The following PALM2AKAP2 variants were observed in gnomAD, a reference collection of about 807,000 sequenced individuals.
PALM2AKAP2 encodes PALM2 and AKAP2 fusion.
In PALM2AKAP2, 37 loss-of-function variants were observed where a neutral mutation model predicts 71.5. That is an observed-to-expected ratio of 0.52 (90% CI 0.40 to 0.68). The LOEUF is 0.68. Among genes scored for constraint, PALM2AKAP2 ranks in the 30% least tolerant of loss-of-function variants. The probability of loss-of-function intolerance (pLI) is 0.00; values close to 1 mark genes in which losing one functional copy is unlikely to be tolerated. For missense variants in PALM2AKAP2, 1,224 were observed against 1,191.8 expected, an observed-to-expected ratio of 1.03 and a Z score of -0.40; for synonymous variants, 468 against 478.8, an observed-to-expected ratio of 0.98 and a Z score of 0.29.
intron 1 of PALM2AKAP2, among the ~76,000 whole-genome samples, chr9:110,060,761 C>A (rs1445391508): frequency 3.3e-5 from 5 of 151,996 alleles, no homozygotes; most frequent in Non-Finnish European, 5.9e-5. Flanking sequence ...GCCACCAGGG[C>A]TAGCTAATTT....
chr9:110,003,395 G>C (rs1832718681), intron 6 of PALM2AKAP2, among the ~76,000 whole-genome samples: 2 of 151,698 alleles, frequency 1.3e-5, no homozygotes. Context: ...TGGTCTGAGA[G>C]AGTTTGTTAT....
chr9:109,995,663 A>G (rs1832559714), intron 6 of PALM2AKAP2, among the ~76,000 whole-genome samples: 1 of 152,172 alleles, frequency 6.6e-6, no homozygotes, highest in Non-Finnish European at 1.5e-5. Flanking sequence ...ACTGTCATGC[A>G]AACAGCATGA....
chr9:109,865,707 G>C (rs1156589904), intron 1 of PALM2AKAP2, among the ~76,000 whole-genome samples: 2 of 152,194 alleles, frequency 1.3e-5, no homozygotes, highest in African/African-American at 4.8e-5. Flanking sequence ...TGAGTCATCA[G>C]CCTCTCATAT....
At chr9:109,898,366 G>A (rs1450394604) in intron 3 of PALM2AKAP2, among the ~76,000 whole-genome samples, 2 of 152,194 alleles carry the variant, frequency 1.3e-5, no homozygotes, top group African/African-American at 2.4e-5. Context: ...CTGTTTTACA[G>A]ATAAGGAAGC....
intron 1 of PALM2AKAP2, among the ~76,000 whole-genome samples, chr9:109,804,669 G>A (rs1349914143): frequency 2.0e-5 from 3 of 152,108 alleles, no homozygotes; most frequent in Non-Finnish European, 1.5e-5. Flanking sequence ...AAAGAAGACT[G>A]GCAAATTTTA....
chr9:109,989,627 A>G (rs12337887), intron 6 of PALM2AKAP2, among the ~76,000 whole-genome samples: 1 of 152,158 alleles, frequency 6.6e-6, no homozygotes, highest in Non-Finnish European at 1.5e-5. Flanking sequence ...GTGGTAAGAG[A>G]TTCTTCTCAG....
chr9:110,088,794 A>G lies in PALM2AKAP2; in HGVS notation c.156+39939A>G, dbSNP rs1834639032. On this transcript the variant is annotated intron_variant, in intron 1 of 3. Transcript: ENST00000374525. ...GAGTGCAGTGATGCGATCTCAGTTC[A>G]CTGCAACCTCCGCCTCCCGGGTTCA... Among the ~76,000 whole-genome samples, 3 of 132,044 alleles carry G rather than the reference A, an allele frequency of 2.3e-5. No homozygotes were observed. In the South Asian group the frequency reaches 7.4e-4, roughly 32 times the overall value. The allele number at this position is 132,044 out of a possible 152,430, so 86.6% of individuals were successfully genotyped here.
chr9:109,968,990 A>C (rs935828431), intron 6 of PALM2AKAP2, among the ~76,000 whole-genome samples: 2 of 152,134 alleles, frequency 1.3e-5, no homozygotes, highest in African/African-American at 2.4e-5. Context: ...CTAAGAAAAA[A>C]ACTGACTAGA....
At chr9:109,663,331 T>C (rs907730909) in intron 1 of PALM2AKAP2, among the ~76,000 whole-genome samples, 26 of 152,228 alleles carry the variant, frequency 1.7e-4, no homozygotes, top group African/African-American at 6.3e-4. Context: ...TTTAGTGCTA[T>C]AAATTTCCCT....
chr9:109,817,840 T>A (rs1827890809), intron 1 of PALM2AKAP2, among the ~76,000 whole-genome samples: 1 of 152,124 alleles, frequency 6.6e-6, no homozygotes, highest in African/African-American at 2.4e-5. Flanking sequence ...AGGTTGTTAG[T>A]GGAAAAGTAG....
chr9:109,736,107 G>A (rs1828630757), intron 1 of PALM2AKAP2, among the ~76,000 whole-genome samples: 1 of 152,160 alleles, frequency 6.6e-6, no homozygotes. Context: ...CCAGCATCTA[G>A]GATCAGACTT....
chr9:110,076,995 C>T (rs893424072), intron 1 of PALM2AKAP2, among the ~76,000 whole-genome samples: 1 of 152,138 alleles, frequency 6.6e-6, no homozygotes, highest in African/African-American at 2.4e-5. Flanking sequence ...CCAGGACCGG[C>T]GTTTGTCTCA....
intron 7 of PALM2AKAP2, among the ~76,000 whole-genome samples, chr9:110,032,516 C>A (rs1357608050): frequency 6.8e-6 from 1 of 147,654 alleles, no homozygotes; most frequent in Non-Finnish European, 1.5e-5. Flanking sequence ...TATGGTGAAA[C>A]CCCATCTCTA....
At chr9:109,650,852 C>T (rs551210986) in intron 1 of PALM2AKAP2, among the ~76,000 whole-genome samples, 17 of 152,138 alleles carry the variant, frequency 1.1e-4, no homozygotes, top group Middle Eastern at 3.4e-3. Flanking sequence ...TGTGTTTCTA[C>T]GAAAATAATA....
At chr9:110,165,278 A>G (rs1459033979) in intron 3 of PALM2AKAP2, among the ~76,000 whole-genome samples, 1 of 132,216 alleles carries the variant, frequency 7.6e-6, no homozygotes, top group Non-Finnish European at 1.6e-5. Flanking sequence ...TAAATTTGCT[A>G]GAGATTCACA....
At chr9:110,049,677 G>A (rs1833671726) in intron 1 of PALM2AKAP2, among the ~76,000 whole-genome samples, 1 of 152,196 alleles carries the variant, frequency 6.6e-6, no homozygotes, top group Non-Finnish European at 1.5e-5. Flanking sequence ...TACCTGTAAT[G>A]TCCGTGGAGG....
At chr9:109,955,240 T>A (rs746564161) in intron 6 of PALM2AKAP2, among the ~76,000 whole-genome samples, 1 of 152,216 alleles carries the variant, frequency 6.6e-6, no homozygotes, top group Admixed American at 6.5e-5. Context: ...GGCTTTGTAC[T>A]GTGTTGGGAT....
intron 1 of PALM2AKAP2, among the ~76,000 whole-genome samples, chr9:110,086,927 A>C (rs931982762): frequency 6.6e-6 from 1 of 151,688 alleles, no homozygotes; most frequent in African/African-American, 2.4e-5. Context: ...CAATGATTTG[A>C]CCCCCTACCC....
At chr9:109,744,701 G>T (rs1828772348) in intron 1 of PALM2AKAP2, among the ~76,000 whole-genome samples, 1 of 152,142 alleles carries the variant, frequency 6.6e-6, no homozygotes, top group African/African-American at 2.4e-5. Context: ...CATTAACTGG[G>T]ATTCCAGGAA....
Sources: allele counts gnomAD v4.1 joint callset (sites outside exome capture counted in the v4.1 genomes callset), GRCh38; gene constraint gnomAD v4.1.1; transcripts MANE v1.5; gene names NCBI Gene and HGNC (gene_info 2026-07-23, HGNC 2026-07-21).